Variants in CCL24 observed in about 807,000 individuals in gnomAD.
The protein encoded by CCL24 is C-C motif chemokine ligand 24, also known as C-C motif chemokine 24.
In CCL24, 6 loss-of-function variants were observed where a neutral mutation model predicts 8.6. That is an observed-to-expected ratio of 0.70 (90% CI 0.38 to 1.38). CCL24 has a LOEUF of 1.38. CCL24 is among the 40% of genes most tolerant of loss of function. The pLI, the probability that CCL24 is intolerant of heterozygous loss-of-function variation, is 0.02. For synonymous variants in CCL24, 59 were observed against 52.7 expected (o/e 1.12, Z -0.52); for missense variants, 126 against 147.1 (o/e 0.86, Z 0.74).
At chr7:75,813,829 C>A, upstream of CCL24, 1 of 748,232 alleles carries the variant, frequency 1.3e-6, no homozygotes, top group Non-Finnish European at 2.3e-6. Flanking sequence ...CTCCCTCTGC[C>A]CTTTATGGGG....
chr7:75,819,303 AATATATATATATATAT>A lies in CCL24; in HGVS notation c.-60+4003_-60+4018del, dbSNP rs71082353. Among the ~76,000 whole-genome samples, 162 of 17,110 alleles carry A rather than the reference AATATATATATATATAT, an allele frequency of 9.5e-3. 3 individuals carry two copies. Among genetic ancestry groups the A allele is most frequent in the Middle Eastern group, 0.071 (1 of 14 alleles). The allele number at this position is 17,110 out of a possible 152,430, so 11.2% of individuals were successfully genotyped here. ...AAAAAAAAAAAAAAAAAAAAAAAAA[AATATATATATATATAT>A]ATATATATATATATATATTCATAGG... On this transcript the variant is annotated intron_variant, in intron 1 of 3. Transcript: ENST00000416943.
chr7:75,812,358 A>G (rs782564705), intron 2 of CCL24, among the ~76,000 whole-genome samples: 29 of 152,206 alleles, frequency 1.9e-4, no homozygotes, highest in Non-Finnish European at 1.6e-4. Flanking sequence ...AAGCACTGAG[A>G]TTGCAGATGT....
At chr7:75,819,617 G>A (rs1585031279) in intron 1 of CCL24, among the ~76,000 whole-genome samples, 1 of 151,540 alleles carries the variant, frequency 6.6e-6, no homozygotes, top group Non-Finnish European at 1.5e-5. Context: ...AATAAAAGAA[G>A]GGGGCTGTCA....
chr7:75,811,955 G>T lies in CCL24; in HGVS notation c.201C>A (p.Thr67=). ...CGCCACAGAACTGCTGGCCCTTCTTGGTGGTGAAGCTGTGGAAGAAAGGGA... is the reference window on the plus strand; with the variant it reads ...CGCCACAGAACTGCTGGCCCTTCTTTGTGGTGAAGCTGTGGAAGAAAGGGA... The part of the protein sequence containing the change: ...TCLKAGVIFT[T]KKGQQFCGDP... Residue 67 remains threonine (T), a synonymous_variant, in exon 3 of 3, where the codon ACC becomes ACA. Transcript: ENST00000222902. 6.2e-7 allele frequency: 1 copy of T among 1,611,230 alleles called. No homozygotes were observed.
chr7:75,818,396 G>A (rs200895754), upstream of CCL24, among the ~76,000 whole-genome samples: 3 of 147,870 alleles, frequency 2.0e-5, no homozygotes, highest in South Asian at 2.1e-4. Context: ...GCAGTGAGCC[G>A]AGATCGCACC....
chr7:75,810,958 C>A lies in CCL24; in HGVS notation c.*838G>T, dbSNP rs1554533335. On this transcript the variant is annotated 3_prime_UTR_variant, in exon 3 of 3. Transcript: ENST00000222902. The stretch of plus-strand genomic sequence containing the variant: ...CTAGAGTCTTTTCTCCCCCTAATCC[C>A]CCCACCCTATCTTCCCCTCACCAAA... 6.6e-6 allele frequency among the ~76,000 whole-genome samples: 1 copy of A among 151,732 alleles called. No individual in the cohort carries two copies. The highest frequency in any genetic ancestry group is 1.5e-5 in the Non-Finnish European group (1 of 67,916).
At chr7:75,819,607 A>G (rs1410830088) in intron 1 of CCL24, among the ~76,000 whole-genome samples, 1 of 151,580 alleles carries the variant, frequency 6.6e-6, no homozygotes, top group Non-Finnish European at 1.5e-5. Flanking sequence ...TCAATAAATA[A>G]ATAAAAGAAG....
Position 75,811,684 on chromosome 7 carries a change from G to T in CCL24, c.*112C>A. 2.1e-6 allele frequency: 2 copies of T among 943,000 alleles called. No homozygotes were observed. The highest frequency in any genetic ancestry group is 1.6e-5 in the African/African-American group (1 of 60,962). The allele number at this position is 943,000 out of a possible 1,614,324, so 58.4% of individuals were successfully genotyped here. A position where few individuals can be genotyped will look rare whatever the true frequency, so the allele number is the denominator to read the frequency against. ...AAGAGACACATCCCTGGAGAGTGTT[G>T]CTAAGAAACAGGAAAATTAGCTCTT... On this transcript the variant is annotated 3_prime_UTR_variant, in exon 3 of 3. Coordinates refer to ENST00000222902, the MANE Select transcript of CCL24 (RefSeq NM_002991.3).
chr7:75,813,876 G>A (rs577936409), upstream of CCL24: 20 of 553,234 alleles, frequency 3.6e-5, no homozygotes, highest in South Asian at 1.5e-4. Flanking sequence ...CCCCCTCCAC[G>A]CTTCCTTGAA....
chr7:75,814,478 A>T (rs1480078920), upstream of CCL24, among the ~76,000 whole-genome samples: 3 of 152,120 alleles, frequency 2.0e-5, no homozygotes, highest in Admixed American at 6.6e-5. Flanking sequence ...AGGTGGAAGG[A>T]TGACTTGAAC....
chr7:75,811,902 T>C lies in CCL24; in HGVS notation c.254A>G (p.Tyr85Cys). ...GDPKQEWVQRYMKNLDAKQKK... is the reference protein window; with the variant it reads ...GDPKQEWVQRCMKNLDAKQKK... Reference sequence around the variant, plus strand: ...CTGCTTGGCGTCCAGGTTCTTCATGTACCTCTGGACCCACTCCTGCTTGGG... The same window carrying C: ...CTGCTTGGCGTCCAGGTTCTTCATGCACCTCTGGACCCACTCCTGCTTGGG... The change falls in exon 3 of 3, where the codon TAC becomes TGC. Residue 85 changes from tyrosine to cysteine, a missense_variant. Physicochemically the swap from Tyr to Cys is radical, Grantham distance 194 (BLOSUM62 -2). Transcript: ENST00000222902. The C allele has an allele frequency of 6.2e-7, 1 of 1,610,806 alleles. No homozygotes were observed. Among genetic ancestry groups the C allele is most frequent in the Non-Finnish European group, 8.5e-7 (1 of 1,179,464 alleles).
upstream of CCL24, among the ~76,000 whole-genome samples, chr7:75,817,624 T>C (rs1803920332): frequency 6.6e-6 from 1 of 151,168 alleles, no homozygotes; most frequent in Non-Finnish European, 1.5e-5. Flanking sequence ...TGCCTCAGCC[T>C]CCTGAGTAGC....
At chr7:75,818,124 C>T (rs919888550), upstream of CCL24, among the ~76,000 whole-genome samples, 2 of 152,112 alleles carry the variant, frequency 1.3e-5, no homozygotes, top group Non-Finnish European at 2.9e-5. Context: ...AGCCACCTCA[C>T]CCAACCAAAA....
At chr7:75,817,118 G>A (rs572555800), upstream of CCL24, among the ~76,000 whole-genome samples, 13 of 152,128 alleles carry the variant, frequency 8.5e-5, no homozygotes, top group Admixed American at 5.9e-4. Flanking sequence ...CTCCCACCTC[G>A]ACCTCCCAAA....
intron 1 of CCL24, 55 bp downstream of exon 1, chr7:75,813,588 C>T (rs1803823596): frequency 6.7e-7 from 1 of 1,499,664 alleles, no homozygotes; most frequent in Non-Finnish European, 9.3e-7. Context: ...TCCTGCACCC[C>T]CCACTGTGCC....
intron 1 of CCL24, among the ~76,000 whole-genome samples, chr7:75,820,343 T>C (rs1437373944): frequency 6.6e-6 from 1 of 151,976 alleles, no homozygotes; most frequent in African/African-American, 2.4e-5. Flanking sequence ...CACACCCAGC[T>C]AATTTTTTTG....
At chr7:75,812,797 G>C (rs372136786) in intron 2 of CCL24, among the ~76,000 whole-genome samples, 15 of 152,240 alleles carry the variant, frequency 9.9e-5, no homozygotes, top group East Asian at 9.6e-4. Flanking sequence ...GGGCATGGTG[G>C]TGCGTACCTG....
At position 75,811,000 on chromosome 7, in the gene CCL24, G is replaced by A. The variant is rs1163764208; in HGVS notation, c.*796C>T. Among the ~76,000 whole-genome samples the A allele has an allele frequency of 6.6e-6, 1 of 151,556 alleles. No individual in the cohort carries two copies. Among genetic ancestry groups the A allele is most frequent in the Admixed American group, 6.6e-5 (1 of 15,194 alleles). On this transcript the variant is annotated 3_prime_UTR_variant, in exon 3 of 3. Transcript: ENST00000222902. ...CTCACCAAAATGTGGGGTGAGCCCAGATTTGAAGGCAGTACAGGCCCTTGT... is the reference window on the plus strand; with the variant it reads ...CTCACCAAAATGTGGGGTGAGCCCAAATTTGAAGGCAGTACAGGCCCTTGT...
rs782028480 is a variant in CCL24 at position 75,813,690 on chromosome 7, G to A, written c.26C>T (p.Thr9Ile). The change falls in exon 1 of 3, where the codon ACC becomes ATC. Residue 9 changes from threonine (T) to isoleucine (I), a missense_variant. Thr to Ile is a moderately conservative substitution (Grantham distance 89). Coordinates refer to ENST00000222902, the MANE Select transcript of CCL24 (RefSeq NM_002991.3). MAGLMTIV[T>I]SLLFLGVCAH... ...ACAGACACCAAGGAACAGAAGGCTG[G>A]TTACTATGGTCATCAGGCCTGCCAT... 6.2e-7 allele frequency: 1 copy of A among 1,614,070 alleles called. No individual in the cohort carries two copies. Among genetic ancestry groups the A allele is most frequent in the Non-Finnish European group, 8.5e-7 (1 of 1,179,942 alleles).
Sources: allele counts gnomAD v4.1 joint callset (sites outside exome capture counted in the v4.1 genomes callset), GRCh38; gene constraint gnomAD v4.1.1; transcripts MANE v1.5; gene names NCBI Gene and HGNC (gene_info 2026-07-23, HGNC 2026-07-21).